TGS1: variants seen among roughly 807,000 people sequenced by gnomAD.
TGS1 encodes the protein trimethylguanosine synthase.
A neutral mutation model predicts 92.2 loss-of-function variants in TGS1; 69 were observed. The ratio of observed to expected loss-of-function variants is 0.75; its 90% CI spans 0.62 to 0.91. The LOEUF (loss-of-function observed/expected upper bound fraction) is 0.91, where lower values mean the gene tolerates loss of function less well. Among genes scored for constraint, TGS1 ranks in the 40% least tolerant of loss-of-function variants. The probability of loss-of-function intolerance (pLI) is 0.00; values close to 1 mark genes in which losing one functional copy is unlikely to be tolerated. For missense variants in TGS1, 1,062 were observed against 1,001.2 expected (o/e 1.06, Z -0.82); for synonymous variants, 345 against 338.1 (o/e 1.02, Z -0.22).
At chr8:55,814,763 G>A (rs1403000287) in intron 12 of TGS1, among the ~76,000 whole-genome samples, 2 of 148,474 alleles carry the variant, frequency 1.3e-5, no homozygotes, top group East Asian at 2.0e-4. Flanking sequence ...CCAGCTACTC[G>A]GGAGGCAGAG....
At chr8:55,790,417 C>T in intron 5 of TGS1, 118 bp downstream of exon 5, 1 of 693,832 alleles carries the variant, frequency 1.4e-6, no homozygotes, top group Non-Finnish European at 2.5e-6. Flanking sequence ...TAAGAAGAGG[C>T]AGGATCTACT....
chr8:55,802,953 T>C (rs1433604850), intron 9 of TGS1, among the ~76,000 whole-genome samples: 1 of 149,914 alleles, frequency 6.7e-6, no homozygotes. Context: ...AATCTTGTCC[T>C]TTATCACGTT....
In TGS1 at chr8:55,786,565, C is replaced by T; in HGVS notation, c.667C>T (p.Leu223=). Residue 223 remains leucine (L), a synonymous_variant, in exon 4 of 13, where the codon CTA becomes TTA. Transcript: ENST00000260129. ...SWQEKHPGQA[L]SSEPWNFPDT... is the part of the protein sequence containing the mutation. ...GCAAGAAAAACATCCGGGTCAAGCA[C>T]TATCTTCTGAACCTTGGAACTTTCC... is the stretch of plus-strand genomic sequence containing the variant. 2 of 1,614,170 alleles carry T rather than the reference C, an allele frequency of 1.2e-6. No homozygotes were observed. Among genetic ancestry groups the T allele is most frequent in the Admixed American group, 1.7e-5 (1 of 60,026 alleles).
At chr8:55,786,027 A>G in intron 3 of TGS1, 136 bp downstream of exon 3, 2 of 792,274 alleles carry the variant, frequency 2.5e-6, no homozygotes, top group East Asian at 2.8e-5. Flanking sequence ...GTATTTATAA[A>G]TTAACCAGAA....
In TGS1 at chr8:55,773,592, C is replaced by A. The variant is rs773667166; in HGVS notation, c.-27C>A. On this transcript the variant is annotated 5_prime_UTR_variant, in exon 1 of 13. Transcript: ENST00000260129. ...CGGCAGGCGCGACCCGGGCTGCGTA[C>A]GTCAGAGCTGCCTCCGAAGTGGTAA... The A allele has an allele frequency of 1.9e-6, 3 of 1,591,166 alleles. No individual in the cohort carries two copies. The South Asian group carries it at 3.4e-5, about 18-fold the overall frequency.
At chr8:55,813,284 T>C (rs755758928) in intron 12 of TGS1, among the ~76,000 whole-genome samples, 166 bp downstream of exon 12, 19 of 152,352 alleles carry the variant, frequency 1.2e-4, no homozygotes, top group Non-Finnish European at 2.5e-4. Flanking sequence ...CCATGTCTAT[T>C]ACATCGTCTT....
chr8:55,785,699 C>T lies in TGS1; in HGVS notation c.167-20C>T, dbSNP rs1811687871. The stretch of plus-strand genomic sequence containing the variant: ...CTCTTAAGTTTTCCTTAAAACTAAG[C>T]TAATAAATGGTGTCTATAGGAGACC... On this transcript the variant is annotated intron_variant, in intron 2 of 12. Coordinates refer to ENST00000260129, the MANE Select transcript of TGS1 (RefSeq NM_024831.8). 1 of 1,493,072 alleles carries T rather than the reference C, an allele frequency of 6.7e-7. No homozygotes were observed. 92.5% of individuals were successfully genotyped at this position (1,493,072 alleles called of 1,614,324 possible). A position where few individuals can be genotyped will look rare whatever the true frequency, so the allele number is the denominator to read the frequency against.
intron 4 of TGS1, among the ~76,000 whole-genome samples, chr8:55,788,152 T>C (rs1387900620): frequency 6.6e-6 from 1 of 152,214 alleles, no homozygotes; most frequent in Non-Finnish European, 1.5e-5. Context: ...GAGGAGGAAA[T>C]TTCTGTGACA....
Position 55,783,825 on chromosome 8 carries a change from T to G in TGS1, c.166+1013T>G, listed in dbSNP as rs184006601. On this transcript the variant is annotated intron_variant, in intron 2 of 12. Coordinates refer to ENST00000260129, the MANE Select transcript of TGS1 (RefSeq NM_024831.8). ...TGATCACTGGATGGAATGTTTGGTTTGTGTTTCAGTGCTATGCTATACAAA... is the reference window on the plus strand; with the variant it reads ...TGATCACTGGATGGAATGTTTGGTTGGTGTTTCAGTGCTATGCTATACAAA... 1.4e-3 allele frequency among the ~76,000 whole-genome samples: 215 copies of G among 152,346 alleles called. 2 individuals carry two copies. The highest frequency in any genetic ancestry group is 4.7e-3 in the African/African-American group (194 of 41,576).
At chr8:55,810,015 AAT>A (rs1803297263) in intron 10 of TGS1, among the ~76,000 whole-genome samples, 1 of 152,266 alleles carries the variant, frequency 6.6e-6, no homozygotes, top group African/African-American at 2.4e-5. Context: ...ATGATTTTGC[AAT>A]ATGTTATAAT....
chr8:55,799,047 G>A lies in TGS1; in HGVS notation c.1676G>A (p.Gly559Asp). Reference protein sequence around the residue: ...SEEQDMSVKKGDDLLETNNPE... With the variant: ...SEEQDMSVKKDDDLLETNNPE... The stretch of plus-strand genomic sequence containing the variant: ...GAACAAGACATGTCTGTTAAAAAAG[G>A]TGATGACCTACTGGAGACTAATAAT... Residue 559 changes from glycine to aspartate, a missense_variant, in exon 8 of 13, where the codon GGT becomes GAT. By Grantham distance (94) the Gly-to-Asp change is moderately conservative. Transcript: ENST00000260129. 1.9e-6 allele frequency: 3 copies of A among 1,614,076 alleles called. No individual in the cohort carries two copies. Among genetic ancestry groups the A allele is most frequent in the South Asian group, 2.2e-5 (2 of 91,088 alleles).
Position 55,786,796 on chromosome 8 carries a change from A to C in TGS1, c.898A>C (p.Ile300Leu). 6.2e-7 allele frequency: 1 copy of C among 1,614,156 alleles called. No individual in the cohort carries two copies. The highest frequency in any genetic ancestry group is 8.5e-7 in the Non-Finnish European group (1 of 1,180,010). The stretch of plus-strand genomic sequence containing the variant: ...CTTAGTATCTTTTCCATCTTCACCT[A>C]TTATGGTTGATAATGATAGCTCTGG... ...VDLVSFPSSP[I>L]MVDNDSSGTS... Residue 300 changes from isoleucine to leucine, a missense_variant, in exon 4 of 13, where the codon ATT (isoleucine) becomes CTT (leucine). Transcript: ENST00000260129.
At chr8:55,803,950 T>G (rs1316968630) in intron 9 of TGS1, among the ~76,000 whole-genome samples, 1 of 151,774 alleles carries the variant, frequency 6.6e-6, no homozygotes, top group Admixed American at 6.6e-5. Flanking sequence ...CAGCACATCA[T>G]TTTGTTCAGA....
At chr8:55,783,982 T>C (rs919245423) in intron 2 of TGS1, among the ~76,000 whole-genome samples, 1 of 152,194 alleles carries the variant, frequency 6.6e-6, no homozygotes, top group Non-Finnish European at 1.5e-5. Context: ...TTGAATGGAG[T>C]AGTGAGTGGA....
intron 5 of TGS1, among the ~76,000 whole-genome samples, chr8:55,792,340 G>A (rs1274746963): frequency 6.6e-6 from 1 of 151,980 alleles, no homozygotes; most frequent in African/African-American, 2.4e-5. Flanking sequence ...GTTTTTAAGG[G>A]AAACCTCTGG....
At chr8:55,799,476 A>T (rs1162642647) in intron 8 of TGS1, among the ~76,000 whole-genome samples, 1 of 152,146 alleles carries the variant, frequency 6.6e-6, no homozygotes, top group East Asian at 1.9e-4. Context: ...GTGTCTGCAG[A>T]CCACTGTCTG....
At position 55,792,758 on chromosome 8, in the gene TGS1, A is replaced by G. The variant is rs1350981041; in HGVS notation, c.1341A>G (p.Leu447=). Residue 447 remains leucine (L), a synonymous_variant, in exon 6 of 13, where the codon CTA becomes CTG. Coordinates refer to ENST00000260129, the MANE Select transcript of TGS1 (RefSeq NM_024831.8). ...ASDFDDSGSL[L]GFKYGSGQKY... ...ACTTTGATGACAGTGGTTCCCTTCT[A>G]GGATTCAAGTATGGCTCAGGACAAA... 5.0e-6 allele frequency: 8 copies of G among 1,613,596 alleles called. No homozygotes were observed. In the African/African-American group the frequency reaches 1.1e-4, roughly 22 times the overall value.
chr8:55,807,745 G>C (rs1172782445), intron 10 of TGS1, among the ~76,000 whole-genome samples: 1 of 151,444 alleles, frequency 6.6e-6, no homozygotes, highest in African/African-American at 2.4e-5. Flanking sequence ...TCCCCAGGCT[G>C]GTCTTAAACC....
chr8:55,774,645 C>T (rs141936894), intron 1 of TGS1, among the ~76,000 whole-genome samples: 114 of 152,146 alleles, frequency 7.5e-4, no homozygotes, highest in Middle Eastern at 3.4e-3. Context: ...TGCTGGTAGG[C>T]ACTGAGGTAC....
Sources: allele counts gnomAD v4.1 joint callset (sites outside exome capture counted in the v4.1 genomes callset), GRCh38; gene constraint gnomAD v4.1.1; transcripts MANE v1.5; gene names NCBI Gene and HGNC (gene_info 2026-07-23, HGNC 2026-07-21).